The following CPQ variants were observed in gnomAD, a reference collection of about 807,000 sequenced individuals.
CPQ encodes the protein Ser-Met dipeptidase.
In CPQ, 37 loss-of-function variants were observed where a neutral mutation model predicts 45.7. The ratio of observed to expected loss-of-function variants is 0.81; its 90% CI spans 0.62 to 1.07. CPQ has a LOEUF of 1.07. Ranked by LOEUF, CPQ falls within the 50% of genes least tolerant of loss-of-function variation. CPQ has a pLI of 0.00. For synonymous variants in CPQ, 186 were observed against 205.8 expected (o/e 0.90, Z 0.82); for missense variants, 537 against 572.9 (o/e 0.94, Z 0.64).
At chr8:96,955,439 C>A (rs1223130453) in intron 4 of CPQ, among the ~76,000 whole-genome samples, 1 of 151,970 alleles carries the variant, frequency 6.6e-6, no homozygotes, top group Non-Finnish European at 1.5e-5. Context: ...ACTTGTATGG[C>A]CATACTGCCC....
chr8:96,722,662 C>T (rs1809780373), intron 1 of CPQ, among the ~76,000 whole-genome samples: 1 of 152,150 alleles, frequency 6.6e-6, no homozygotes, highest in African/African-American at 2.4e-5. Flanking sequence ...CTGAGGTCAG[C>T]AACTAACCTT....
chr8:97,048,556 C>A (rs1810300977), intron 6 of CPQ, among the ~76,000 whole-genome samples: 1 of 152,164 alleles, frequency 6.6e-6, no homozygotes, highest in African/African-American at 2.4e-5. Flanking sequence ...ATGTTCTTTT[C>A]TTCACAGTTG....
chr8:97,000,598 T>C (rs532505822), intron 5 of CPQ, among the ~76,000 whole-genome samples: 133 of 152,280 alleles, frequency 8.7e-4, no homozygotes, highest in Middle Eastern at 3.4e-3. Flanking sequence ...CATTGATCTA[T>C]GTGTCTGTTT....
At chr8:96,899,533 G>C (rs917493977) in intron 4 of CPQ, among the ~76,000 whole-genome samples, 1 of 152,156 alleles carries the variant, frequency 6.6e-6, no homozygotes, top group African/African-American at 2.4e-5. Flanking sequence ...GGAGGACTTA[G>C]GAAGCTTACA....
At chr8:96,898,715 A>G (rs757346373) in intron 4 of CPQ, among the ~76,000 whole-genome samples, 3 of 150,280 alleles carry the variant, frequency 2.0e-5, no homozygotes, top group Non-Finnish European at 4.4e-5. Context: ...AGCATGGCAC[A>G]TGTATATATA....
At chr8:96,934,724 T>A (rs1464334977) in intron 4 of CPQ, among the ~76,000 whole-genome samples, 7 of 152,048 alleles carry the variant, frequency 4.6e-5, no homozygotes, top group Non-Finnish European at 1.0e-4. Flanking sequence ...GTAGAGCAGC[T>A]CCTTTTTGAT....
At chr8:96,761,501 G>A (rs766317642) in intron 1 of CPQ, 1 of 152,190 alleles carries the variant, frequency 6.6e-6, no homozygotes, top group African/African-American at 2.4e-5. Flanking sequence ...ATGTGAGTAG[G>A]CGATTGTAAA....
chr8:97,075,206 A>C (rs1199927347), intron 7 of CPQ, among the ~76,000 whole-genome samples: 3 of 152,170 alleles, frequency 2.0e-5, no homozygotes, highest in African/African-American at 7.2e-5. Flanking sequence ...GCTCCATTGT[A>C]TGTACTATAA....
chr8:96,928,734 T>G (rs1408210117), intron 4 of CPQ, among the ~76,000 whole-genome samples: 1 of 152,184 alleles, frequency 6.6e-6, no homozygotes, highest in African/African-American at 2.4e-5. Flanking sequence ...AAGCAAAGGC[T>G]TCCTCTTCAT....
At chr8:96,920,864 T>C (rs190062766) in intron 4 of CPQ, among the ~76,000 whole-genome samples, 1 of 152,302 alleles carries the variant, frequency 6.6e-6, no homozygotes, top group African/African-American at 2.4e-5. Flanking sequence ...ATCTTCAACT[T>C]GAAGCCTCCA....
intron 4 of CPQ, among the ~76,000 whole-genome samples, chr8:96,907,479 A>G (rs1812594098): frequency 6.6e-6 from 1 of 152,216 alleles, no homozygotes. Context: ...CAAAATAGCC[A>G]TACCCAACCA....
rs145279305 is a variant in CPQ, at chr8:96,929,475, C to G, written c.850-36460C>G. On this transcript the variant is annotated intron_variant, in intron 4 of 7. Transcript: ENST00000220763. Reference sequence around the variant, plus strand: ...TTCTAGGCTTTCTAATATGCTCCCTCAATGCAAGTCTCTCAGCTCCAATGC... The same window carrying G: ...TTCTAGGCTTTCTAATATGCTCCCTGAATGCAAGTCTCTCAGCTCCAATGC... 4.5e-3 allele frequency among the ~76,000 whole-genome samples: 683 copies of G among 152,292 alleles called. 10 individuals are homozygous for G. Among genetic ancestry groups the G allele is most frequent in the African/African-American group, 0.015 (642 of 41,552 alleles).
At chr8:96,701,477 C>A (rs1809459054) in intron 1 of CPQ, among the ~76,000 whole-genome samples, 2 of 152,076 alleles carry the variant, frequency 1.3e-5, no homozygotes, top group Non-Finnish European at 2.9e-5. Flanking sequence ...TTCTAAATCC[C>A]AAACTATCTT....
At chr8:96,668,806 T>C (rs1188720215) in intron 1 of CPQ, among the ~76,000 whole-genome samples, 1 of 152,108 alleles carries the variant, frequency 6.6e-6, no homozygotes, top group Non-Finnish European at 1.5e-5. Flanking sequence ...GTTTTTCTTT[T>C]TGCCTTGTAT....
chr8:96,950,461 G>A (rs1016277381), intron 4 of CPQ, among the ~76,000 whole-genome samples: 1 of 152,076 alleles, frequency 6.6e-6, no homozygotes, highest in Non-Finnish European at 1.5e-5. Context: ...CATTAGAAAG[G>A]CTGGTGTTTC....
chr8:97,104,128 T>C (rs1811362444), intron 7 of CPQ, among the ~76,000 whole-genome samples: 2 of 152,194 alleles, frequency 1.3e-5, no homozygotes, highest in Admixed American at 1.3e-4. Context: ...TAATAATCGC[T>C]CAACAAGTGG....
chr8:96,868,183 G>A (rs1223274658), intron 3 of CPQ, among the ~76,000 whole-genome samples: 3 of 152,026 alleles, frequency 2.0e-5, no homozygotes, highest in Non-Finnish European at 4.4e-5. Flanking sequence ...CACCTAATTG[G>A]CCTGGGATGG....
intron 1 of CPQ, among the ~76,000 whole-genome samples, chr8:96,662,275 CA>C (rs1179885084): frequency 2.0e-5 from 3 of 152,054 alleles, no homozygotes; most frequent in Non-Finnish European, 2.9e-5. Context: ...TACACATAAA[CA>C]GTATTTTTAA....
intron 4 of CPQ, among the ~76,000 whole-genome samples, chr8:96,887,765 G>C (rs1210075660): frequency 3.3e-5 from 5 of 152,166 alleles, no homozygotes; most frequent in Non-Finnish European, 5.9e-5. Flanking sequence ...GGAAAGGAAA[G>C]TGTTTGGGAT....
Sources: gnomAD v4.1 joint callset for allele counts (sites outside exome capture counted in the v4.1 genomes callset) on GRCh38, gnomAD v4.1.1 for gene constraint, MANE v1.5 for transcripts, NCBI Gene and HGNC (gene_info 2026-07-23, HGNC 2026-07-21) for gene names.